The following DRC8 variants were observed in gnomAD, a reference collection of about 807,000 sequenced individuals.
DRC8 encodes the protein dynein regulatory complex protein 8.
chr1:245,074,879 G>A, the DRC8 span, among the ~76,000 whole-genome samples: 1 of 152,064 alleles, frequency 6.6e-6, no homozygotes, highest in African/African-American at 2.4e-5. Context: ...GTCAAAATTT[G>A]TATCTATACT....
chr1:245,049,582 C>T, the DRC8 span, among the ~76,000 whole-genome samples: 45 of 151,964 alleles, frequency 3.0e-4, no homozygotes, highest in Admixed American at 6.6e-4. The surrounding 1 kb of genome is among the most constrained non-coding windows in gnomAD (Gnocchi z 4.5). Context: ...CAATCCTAGA[C>T]TAAAAAAAAA....
the DRC8 span, among the ~76,000 whole-genome samples, chr1:244,977,431 A>G: frequency 2.0e-5 from 3 of 152,024 alleles, no homozygotes; most frequent in East Asian, 5.8e-4. Flanking sequence ...ACATCTGTAA[A>G]CTCAGCACTT....
the DRC8 span, chr1:245,124,487 C>G: frequency 6.6e-6 from 1 of 152,154 alleles, no homozygotes. Flanking sequence ...GAATTCTGGA[C>G]AGAAATATAG....
the DRC8 span, among the ~76,000 whole-genome samples, chr1:245,101,062 T>C: frequency 2.0e-3 from 301 of 152,230 alleles, 1 homozygote; most frequent in African/African-American, 6.8e-3. Context: ...CTTTTGTATT[T>C]TTAGCAGAGA....
chr1:245,061,679 A>T, the DRC8 span, among the ~76,000 whole-genome samples: 6 of 152,276 alleles, frequency 3.9e-5, no homozygotes, highest in Non-Finnish European at 7.3e-5. Context: ...TTAATAGTGA[A>T]TACATGTAAA....
the DRC8 span, among the ~76,000 whole-genome samples, chr1:245,045,831 G>A: frequency 5.1e-4 from 78 of 152,278 alleles, no homozygotes; most frequent in East Asian, 0.013. Flanking sequence ...AGATGCAAAC[G>A]AAGACTCAAC....
At chr1:244,995,202 A>G in the DRC8 span, among the ~76,000 whole-genome samples, 15 of 152,240 alleles carry the variant, frequency 9.9e-5, no homozygotes, top group African/African-American at 3.6e-4. Context: ...CTCTACTAAA[A>G]ATACAAAAAT....
At chr1:245,091,457 T>G in the DRC8 span, 1 of 152,242 alleles carries the variant, frequency 6.6e-6, no homozygotes, top group Non-Finnish European at 1.5e-5. Flanking sequence ...AATCTCTTGA[T>G]GATCAAGTGA....
the DRC8 span, among the ~76,000 whole-genome samples, chr1:245,022,215 G>A: frequency 1.3e-5 from 2 of 149,046 alleles, no homozygotes; most frequent in African/African-American, 2.5e-5. Flanking sequence ...GAGTGATCTC[G>A]GCTCACTGCA....
At chr1:245,050,241 C>G in the DRC8 span, among the ~76,000 whole-genome samples, 4 of 151,590 alleles carry the variant, frequency 2.6e-5, no homozygotes, top group Non-Finnish European at 5.9e-5. Context: ...TTTCTTTTTT[C>G]TTTTCCCTTT....
chr1:245,086,726 G>A, the DRC8 span: 1 of 533,326 alleles, frequency 1.9e-6, no homozygotes, highest in Non-Finnish European at 3.8e-6. Context: ...ACAACCCTAT[G>A]TGACAGGTGG....
the DRC8 span, among the ~76,000 whole-genome samples, chr1:245,021,918 T>C: frequency 6.6e-6 from 1 of 152,168 alleles, no homozygotes; most frequent in African/African-American, 2.4e-5. Flanking sequence ...CAAGCGATCC[T>C]CCTGTCTCAG....
the DRC8 span, among the ~76,000 whole-genome samples, chr1:245,060,925 T>G: frequency 6.6e-6 from 1 of 152,274 alleles, no homozygotes; most frequent in South Asian, 2.1e-4. Flanking sequence ...AACTCATTTA[T>G]TTGTATATTA....
the DRC8 span, among the ~76,000 whole-genome samples, chr1:244,998,500 T>G: frequency 6.6e-6 from 1 of 152,218 alleles, no homozygotes; most frequent in Non-Finnish European, 1.5e-5. Flanking sequence ...CGTGAGCCAC[T>G]GCGCCCAGCT....
At chr1:244,977,509 A>G in the DRC8 span, among the ~76,000 whole-genome samples, 2 of 152,076 alleles carry the variant, frequency 1.3e-5, no homozygotes, top group South Asian at 4.2e-4. Context: ...ACATGCTGAG[A>G]CCTCATCTTT....
the DRC8 span, chr1:245,017,476 C>A: frequency 1.3e-6 from 1 of 791,696 alleles, no homozygotes; most frequent in Non-Finnish European, 1.9e-6. Context: ...AAGGTCTTTG[C>A]TAGCTATTGC....
the DRC8 span, among the ~76,000 whole-genome samples, chr1:244,995,475 C>T: frequency 1.3e-5 from 2 of 152,142 alleles, no homozygotes; most frequent in Admixed American, 6.5e-5. Flanking sequence ...TTTCCCACCT[C>T]ACCTTCCCGA....
At chr1:244,994,951 C>T in the DRC8 span, among the ~76,000 whole-genome samples, 1 of 152,194 alleles carries the variant, frequency 6.6e-6, no homozygotes, top group Non-Finnish European at 1.5e-5. Flanking sequence ...GTTTTCTTGC[C>T]ATCTGGAGAT....
the DRC8 span, among the ~76,000 whole-genome samples, chr1:245,006,418 C>G: frequency 6.6e-6 from 1 of 152,044 alleles, no homozygotes; most frequent in Non-Finnish European, 1.5e-5. Flanking sequence ...TTCAAGTGAT[C>G]CTCCTGCCTC....
Sources: allele counts gnomAD v4.1 joint callset (sites outside exome capture counted in the v4.1 genomes callset), GRCh38; gene constraint gnomAD v4.1.1; non-coding constraint Gnocchi (gnomAD v3.1); transcripts MANE v1.5; gene names NCBI Gene and HGNC (gene_info 2026-07-23, HGNC 2026-07-21).